The following EPHB2 variants were observed in gnomAD, a reference collection of about 807,000 sequenced individuals.
The protein encoded by EPHB2 is ephrin type-B receptor 2.
A neutral mutation model predicts 96.4 loss-of-function variants in EPHB2; 18 were observed. That is an observed-to-expected ratio of 0.19 (90% confidence interval 0.13 to 0.28). EPHB2 has a LOEUF of 0.28. Ranked by LOEUF, EPHB2 falls within the 10% of genes least tolerant of loss-of-function variation. The pLI is 1.00. For synonymous variants in EPHB2, 506 were observed against 534.1 expected, an observed-to-expected ratio of 0.95 and a Z score of 0.72; for missense variants, 989 against 1,355.4, an observed-to-expected ratio of 0.73 and a Z score of 4.25.
At chr1:22,901,637 G>A (rs1639749859) in intron 9 of EPHB2, among the ~76,000 whole-genome samples, 1 of 152,166 alleles carries the variant, frequency 6.6e-6, no homozygotes, top group Admixed American at 6.5e-5. Context: ...AGGCTTGTTG[G>A]AGGCTCTGGC....
rs757519358 is a variant in EPHB2, at chr1:22,895,513, A to G, written c.1633A>G (p.Ile545Val). The G allele has an allele frequency of 2.5e-6, 4 of 1,614,242 alleles. No individual in the cohort carries two copies. Among genetic ancestry groups the G allele is most frequent in the Non-Finnish European group, 3.4e-6 (4 of 1,180,040 alleles). ...CATCCAGGAGAAGTTGCCACTCATC[A>G]TCGGCTCCTCGGCCGCTGGCCTGGT... ...TSIQEKLPLI[I>V]GSSAAGLVFL... The change falls in exon 8 of 16, where the codon ATC becomes GTC. Residue 545 changes from isoleucine to valine, a missense_variant. Coordinates refer to ENST00000374630, the MANE Select transcript of EPHB2 (RefSeq NM_017449.5).
chr1:22,870,207 G>A (rs116960220), intron 5 of EPHB2, among the ~76,000 whole-genome samples: 120 of 152,260 alleles, frequency 7.9e-4, no homozygotes, highest in East Asian at 2.9e-3. Flanking sequence ...GGCATTCACC[G>A]GGGCCAGAAC....
chr1:22,914,399 T>G lies in EPHB2; in HGVS notation c.*829T>G, dbSNP rs1433410277. 6.4e-6 allele frequency: 1 copy of G among 156,480 alleles called. No homozygotes were observed. The highest frequency in any genetic ancestry group is 2.4e-5 in the African/African-American group (1 of 41,488). 9.7% of individuals were successfully genotyped at this position (156,480 alleles called of 1,614,324 possible). Reference sequence around the variant, plus strand: ...CAGCCCCTGCCTCGAGGACTGATACTGCAGTGACTGCCGTCAGCTCCGACT... The same window carrying G: ...CAGCCCCTGCCTCGAGGACTGATACGGCAGTGACTGCCGTCAGCTCCGACT... On this transcript the variant is annotated 3_prime_UTR_variant, in exon 16 of 16. Transcript: ENST00000374630.
intron 3 of EPHB2, among the ~76,000 whole-genome samples, chr1:22,791,307 C>T (rs1008170392): frequency 1.3e-5 from 2 of 151,926 alleles, no homozygotes; most frequent in Admixed American, 6.6e-5. Flanking sequence ...AAATTAAAAT[C>T]ACCCATAATC....
chr1:22,827,106 G>C (rs772508297), intron 3 of EPHB2, among the ~76,000 whole-genome samples: 8 of 152,178 alleles, frequency 5.3e-5, no homozygotes, highest in Non-Finnish European at 1.0e-4. Flanking sequence ...TCTATGAAAG[G>C]AGAAGAACCC....
intron 4 of EPHB2, among the ~76,000 whole-genome samples, chr1:22,863,738 C>T (rs549641753): frequency 6.6e-5 from 10 of 152,350 alleles, no homozygotes; most frequent in Admixed American, 5.2e-4. Flanking sequence ...GGGCAATCCA[C>T]GATGGCCTTT....
intron 1 of EPHB2, among the ~76,000 whole-genome samples, chr1:22,774,801 A>G (rs1039726189): frequency 1.3e-5 from 2 of 152,184 alleles, no homozygotes; most frequent in Non-Finnish European, 2.9e-5. Context: ...TGCCAGGCCT[A>G]GTTCTCAGTG....
intron 1 of EPHB2, among the ~76,000 whole-genome samples, chr1:22,716,145 A>G (rs10753539): frequency 0.55 from 83,300 of 152,000 alleles, 23,663 homozygotes; most frequent in East Asian, 0.92. Flanking sequence ...CCAGAGCCCC[A>G]TCAGGGGAAA....
At chr1:22,711,499 C>T (rs1643143036) in intron 1 of EPHB2, among the ~76,000 whole-genome samples, 1 of 150,936 alleles carries the variant, frequency 6.6e-6, no homozygotes, top group South Asian at 2.1e-4. Context: ...GCACCGCGGC[C>T]GGCCGGGGTG....
intron 3 of EPHB2, among the ~76,000 whole-genome samples, chr1:22,825,284 G>A (rs1645206978): frequency 6.6e-6 from 1 of 152,364 alleles, no homozygotes; most frequent in East Asian, 1.9e-4. Context: ...AGATGGGGCT[G>A]ATAACCTAGA....
intron 7 of EPHB2, 132 bp from the exon 8 acceptor site, chr1:22,895,340 A>C: frequency 1.3e-6 from 1 of 793,328 alleles, no homozygotes; most frequent in Admixed American, 2.0e-5. Flanking sequence ...GGCATGTAAC[A>C]GGTGCTCTGT....
At chr1:22,872,937 G>C (rs1207324445) in intron 5 of EPHB2, among the ~76,000 whole-genome samples, 1 of 152,196 alleles carries the variant, frequency 6.6e-6, no homozygotes, top group Non-Finnish European at 1.5e-5. Context: ...AGAGGGAGAG[G>C]GCACTTCCCT....
Position 22,875,289 on chromosome 1 carries a change from G to T in EPHB2, c.1304-7070G>T, listed in dbSNP as rs927606676. On this transcript the variant is annotated intron_variant, in intron 5 of 15. Transcript: ENST00000374630. This position sits in a 1 kb window ranked among gnomAD's most constrained non-coding sequence, Gnocchi z 4.2. ...AACACTCAAAAAGCAGCTGTCCCAT[G>T]ATGAGCTGGGAATTCTAAGAGTCCC... Among the ~76,000 whole-genome samples, 1 of 152,218 alleles carries T rather than the reference G, an allele frequency of 6.6e-6. No individual in the cohort carries two copies. Among genetic ancestry groups the T allele is most frequent in the South Asian group, 2.1e-4 (1 of 4,832 alleles).
chr1:22,800,536 A>C (rs890885443), intron 3 of EPHB2, among the ~76,000 whole-genome samples: 1 of 152,178 alleles, frequency 6.6e-6, no homozygotes, highest in Admixed American at 6.5e-5. Flanking sequence ...GCTGTTGAGT[A>C]CGCTCACTGG....
chr1:22,820,341 A>G (rs1216056509), intron 3 of EPHB2, among the ~76,000 whole-genome samples: 3 of 152,198 alleles, frequency 2.0e-5, no homozygotes, highest in Non-Finnish European at 4.4e-5. Context: ...TTAGCTGATG[A>G]GAATAATAAT....
At chr1:22,737,654 G>C (rs1557644848) in intron 1 of EPHB2, among the ~76,000 whole-genome samples, 1 of 152,064 alleles carries the variant, frequency 6.6e-6, no homozygotes, top group Non-Finnish European at 1.5e-5. Context: ...CCAAGGTATG[G>C]CTAATTTTGT....
At chr1:22,897,572 G>C (rs977163202) in intron 9 of EPHB2, among the ~76,000 whole-genome samples, 5 of 151,992 alleles carry the variant, frequency 3.3e-5, no homozygotes, top group Non-Finnish European at 7.4e-5. Context: ...CAGATCACTT[G>C]AGGCCAGGAG....
intron 1 of EPHB2, among the ~76,000 whole-genome samples, chr1:22,730,837 A>G: frequency 6.6e-6 from 1 of 152,140 alleles, no homozygotes; most frequent in South Asian, 2.1e-4. Context: ...AGGAGGTGGC[A>G]GGATCTAACC....
intron 1 of EPHB2, among the ~76,000 whole-genome samples, chr1:22,726,990 G>A (rs969372125): frequency 1.3e-5 from 2 of 152,244 alleles, no homozygotes; most frequent in African/African-American, 4.8e-5. Context: ...AGGTTTGTAT[G>A]AGCCATGGTG....
Sources: allele counts gnomAD v4.1 joint callset (sites outside exome capture counted in the v4.1 genomes callset), GRCh38; gene constraint gnomAD v4.1.1; non-coding constraint Gnocchi (gnomAD v3.1); transcripts MANE v1.5; gene names NCBI Gene and HGNC (gene_info 2026-07-23, HGNC 2026-07-21).